SNX25: variants seen among roughly 807,000 people sequenced by gnomAD.
The protein encoded by SNX25 is sorting nexin 25.
Under a neutral mutation model 113.7 loss-of-function variants are expected in SNX25, and 62 were observed. That is an observed-to-expected ratio of 0.55 (90% CI 0.44 to 0.67). The LOEUF is 0.67. Ranked by LOEUF, SNX25 falls within the 30% of genes least tolerant of loss-of-function variation. SNX25 has a pLI of 0.00. For synonymous variants in SNX25, 421 were observed against 436.2 expected, an observed-to-expected ratio of 0.97 and a Z score of 0.43; for missense variants, 1,014 against 1,161.0, an observed-to-expected ratio of 0.87 and a Z score of 1.84.
chr4:185,354,780 C>A (rs1478291236), intron 15 of SNX25, among the ~76,000 whole-genome samples: 7 of 152,234 alleles, frequency 4.6e-5, no homozygotes, highest in Non-Finnish European at 2.9e-5. Context: ...TCCCAACACT[C>A]TAAATCTTGA....
In SNX25 at chr4:185,210,435, G is replaced by GCGGGCTC. The variant is rs572480487; in HGVS notation, c.429+197_429+203dup. ...GAGCGTTCCCCGGCGCCCGCGCGCG[G>GCGGGCTC]CGGGCTCCGGGCTCCGGGCTCCGCG... On this transcript the variant is annotated intron_variant, in intron 1 of 18. Coordinates refer to ENST00000652585, the MANE Select transcript of SNX25 (RefSeq NM_001378034.2). The surrounding 1 kb of genome is among the most constrained non-coding windows in gnomAD (Gnocchi z 4.4). 6.1e-4 allele frequency among the ~76,000 whole-genome samples: 84 copies of GCGGGCTC among 137,914 alleles called. No individual in the cohort carries two copies. The highest frequency in any genetic ancestry group is 3.7e-3 in the Middle Eastern group (1 of 270). 90.5% of individuals were successfully genotyped at this position (137,914 alleles called of 152,430 possible).
chr4:185,370,758 CAGTCTGTGACCTGGGCGATCATGGGG>C (rs770013439), downstream of SNX25: 8 of 1,614,110 alleles, frequency 5.0e-6, no homozygotes, highest in Non-Finnish European at 6.8e-6. Flanking sequence ...CTCCGGGAGA[CAGTCTGTGACCTGGGCGATCATGGGG>C]ATGTCGTGAA....
At position 185,210,364 on chromosome 4, in the gene SNX25, G is replaced by A. The variant is rs1441844337; in HGVS notation, c.429+109G>A. 1.0e-6 allele frequency: 1 copy of A among 978,354 alleles called. No individual in the cohort carries two copies. The highest frequency in any genetic ancestry group is 1.2e-6 in the Non-Finnish European group (1 of 825,450). 60.6% of individuals were successfully genotyped at this position (978,354 alleles called of 1,614,324 possible). A position where few individuals can be genotyped will look rare whatever the true frequency, so the allele number is the denominator to read the frequency against. On this transcript the variant is annotated intron_variant, in intron 1 of 18. Coordinates refer to ENST00000652585, the MANE Select transcript of SNX25 (RefSeq NM_001378034.2). The surrounding 1 kb of genome is among the most constrained non-coding windows in gnomAD (Gnocchi z 4.4). ...CCGCGGCATGCCCTTGTCGAAGCGG[G>A]AAGCCGGGAGCCAGGGGGCTGGGCT...
intron 1 of SNX25, among the ~76,000 whole-genome samples, chr4:185,245,719 C>T (rs1001032307): frequency 2.6e-5 from 4 of 152,268 alleles, no homozygotes; most frequent in East Asian, 1.9e-4. Context: ...TCTATACCTC[C>T]GCCTAGAGGA....
chr4:185,232,646 A>G lies in SNX25; in HGVS notation c.430-14648A>G, dbSNP rs1742039633. On this transcript the variant is annotated intron_variant, in intron 1 of 18. Coordinates refer to ENST00000652585, the MANE Select transcript of SNX25 (RefSeq NM_001378034.2). This position sits in a 1 kb window ranked among gnomAD's most constrained non-coding sequence, Gnocchi z 4.4. ...ACAGTGATTGATTTCATGACTAAAGATCTCTGTGAAAAAAGCAATTCAACG... is the reference window on the plus strand; with the variant it reads ...ACAGTGATTGATTTCATGACTAAAGGTCTCTGTGAAAAAAGCAATTCAACG... Among the ~76,000 whole-genome samples the G allele has an allele frequency of 6.6e-6, 1 of 152,186 alleles. No individual in the cohort carries two copies. Among genetic ancestry groups the G allele is most frequent in the Non-Finnish European group, 1.5e-5 (1 of 68,036 alleles).
intron 1 of SNX25, among the ~76,000 whole-genome samples, chr4:185,241,019 T>C (rs1269003027): frequency 7.5e-6 from 1 of 132,804 alleles, no homozygotes; most frequent in Non-Finnish European, 1.6e-5. Flanking sequence ...GAGAGGCTCC[T>C]CACATCCCAG....
intron 3 of SNX25, among the ~76,000 whole-genome samples, chr4:185,264,026 T>A (rs114890960): frequency 3.3e-3 from 507 of 152,320 alleles, no homozygotes; most frequent in African/African-American, 0.011. Flanking sequence ...TTTTATCCTA[T>A]TATCTCCCAG....
At position 185,232,597 on chromosome 4, in the gene SNX25, TC is replaced by T. The variant is rs1419156201; in HGVS notation, c.430-14695del. ...AACTAAGATAATGGCATTATGGTAT[TC>T]CAGGACAGTAATGGAGTACAAAACA... On this transcript the variant is annotated intron_variant, in intron 1 of 18. Coordinates refer to ENST00000652585, the MANE Select transcript of SNX25 (RefSeq NM_001378034.2). The surrounding 1 kb of genome is among the most constrained non-coding windows in gnomAD (Gnocchi z 4.4). 6.6e-6 allele frequency among the ~76,000 whole-genome samples: 1 copy of T among 152,176 alleles called. No individual in the cohort carries two copies. Among genetic ancestry groups the T allele is most frequent in the African/African-American group, 2.4e-5 (1 of 41,442 alleles).
intron 13 of SNX25, among the ~76,000 whole-genome samples, chr4:185,350,172 T>C (rs1470396934): frequency 6.6e-6 from 1 of 152,200 alleles, no homozygotes; most frequent in Non-Finnish European, 1.5e-5. Flanking sequence ...CGGGGCAGTA[T>C]TGGGCCCTCT....
intron 5 of SNX25, among the ~76,000 whole-genome samples, chr4:185,283,723 C>T (rs1335538129): frequency 6.6e-6 from 1 of 152,162 alleles, no homozygotes; most frequent in Non-Finnish European, 1.5e-5. Flanking sequence ...GTATAGATCT[C>T]ATAATCATCT....
rs560614411 is a variant in SNX25 at position 185,323,888 on chromosome 4, AT to A, written c.1749+89del. 1,036 of 1,387,470 alleles carry A rather than the reference AT, an allele frequency of 7.5e-4. 12 individuals carry two copies. The African/African-American group carries it at 0.014, about 18-fold the overall frequency. 85.9% of individuals were successfully genotyped at this position (1,387,470 alleles called of 1,614,324 possible). ...GTGCATATTGTGTGAGCCAAATTTG[AT>A]GCACATCTTCATCTTTTAATATACA... On this transcript the variant is annotated intron_variant, in intron 9 of 18. Transcript: ENST00000652585.
chr4:185,353,304 G>A (rs1430446582), intron 14 of SNX25, 181 bp from the exon 15 acceptor site: 10 of 494,892 alleles, frequency 2.0e-5, no homozygotes, highest in South Asian at 4.4e-5. Flanking sequence ...AATAAGGCTC[G>A]AGAATCAAGC....
At chr4:185,324,714 T>G (rs1454482560) in intron 9 of SNX25, among the ~76,000 whole-genome samples, 1 of 152,042 alleles carries the variant, frequency 6.6e-6, no homozygotes, top group Non-Finnish European at 1.5e-5. Context: ...CCCTTTGGAT[T>G]TAGGTGGTTT....
At chr4:185,287,846 G>A (rs1473755988) in intron 5 of SNX25, among the ~76,000 whole-genome samples, 166 bp from the exon 6 acceptor site, 3 of 152,120 alleles carry the variant, frequency 2.0e-5, no homozygotes, top group African/African-American at 4.8e-5. Flanking sequence ...CATGGGGCCC[G>A]GCCTATTGTA....
chr4:185,230,679 G>A (rs573158741), intron 1 of SNX25, among the ~76,000 whole-genome samples: 100 of 151,928 alleles, frequency 6.6e-4, no homozygotes, highest in Admixed American at 1.9e-3. Flanking sequence ...GATTACAGGC[G>A]TGAGCCACTG....
intron 7 of SNX25, 90 bp from the exon 8 acceptor site, chr4:185,320,643 C>G: frequency 3.1e-6 from 3 of 953,738 alleles, no homozygotes; most frequent in Admixed American, 3.2e-5. Context: ...CATTTTTACC[C>G]TAAATGTAGA....
downstream of SNX25, among the ~76,000 whole-genome samples, chr4:185,367,593 A>G (rs889880046): frequency 3.9e-5 from 6 of 152,320 alleles, no homozygotes; most frequent in Admixed American, 3.3e-4. Context: ...CATTATGTGA[A>G]TAACAGCATC....
chr4:185,213,392 C>A (rs2111480283), intron 1 of SNX25, among the ~76,000 whole-genome samples: 1 of 152,316 alleles, frequency 6.6e-6, no homozygotes, highest in East Asian at 1.9e-4. Flanking sequence ...TCCGTGGTAT[C>A]TTCAGATAGC....
intron 5 of SNX25, among the ~76,000 whole-genome samples, chr4:185,284,888 C>A (rs1256244397): frequency 6.6e-6 from 1 of 152,030 alleles, no homozygotes; most frequent in East Asian, 1.9e-4. Context: ...AAAGGACCAT[C>A]CGTGGGGCTT....
Sources: allele counts gnomAD v4.1 joint callset (sites outside exome capture counted in the v4.1 genomes callset), GRCh38; gene constraint gnomAD v4.1.1; non-coding constraint Gnocchi (gnomAD v3.1); transcripts MANE v1.5; gene names NCBI Gene and HGNC (gene_info 2026-07-23, HGNC 2026-07-21).